The following CYFIP2 variants were observed in gnomAD, a reference collection of about 807,000 sequenced individuals.
CYFIP2 encodes cytoplasmic FMR1-interacting protein 2.
Under a neutral mutation model 158.7 loss-of-function variants are expected in CYFIP2, and 29 were observed. That is an observed-to-expected ratio of 0.18 (90% CI 0.14 to 0.25). The LOEUF is 0.25. Among genes scored for constraint, CYFIP2 ranks in the 10% least tolerant of loss-of-function variants. The probability of loss-of-function intolerance (pLI) is 1.00; values close to 1 mark genes in which losing one functional copy is unlikely to be tolerated. For missense variants in CYFIP2, 852 were observed against 1,639.5 expected, an observed-to-expected ratio of 0.52 and a Z score of 8.29; for synonymous variants, 585 against 617.6, an observed-to-expected ratio of 0.95 and a Z score of 0.78.
intron 26 of CYFIP2, among the ~76,000 whole-genome samples, chr5:157,377,675 G>T (rs1184812679): frequency 6.6e-6 from 1 of 152,192 alleles, no homozygotes; most frequent in Non-Finnish European, 1.5e-5. Context: ...GACAATCTCT[G>T]GCTCAGGCTC....
intron 1 of CYFIP2, among the ~76,000 whole-genome samples, chr5:157,282,811 G>A (rs1757091810): frequency 6.6e-6 from 1 of 152,128 alleles, no homozygotes; most frequent in African/African-American, 2.4e-5. Context: ...AGTGAGAAAT[G>A]GTGTATCTCC....
chr5:157,292,790 A>T (rs1164557678), intron 3 of CYFIP2, among the ~76,000 whole-genome samples: 1 of 151,148 alleles, frequency 6.6e-6, no homozygotes, highest in Non-Finnish European at 1.5e-5. Flanking sequence ...TCGAATGGTA[A>T]CTCTGTGGTT....
intron 1 of CYFIP2, among the ~76,000 whole-genome samples, chr5:157,280,552 GCCCAGAAGAAA>G (rs1756916127): frequency 6.6e-6 from 1 of 151,852 alleles, no homozygotes; most frequent in African/African-American, 2.4e-5. Context: ...AGTTTGAGTA[GCCCAGAAGAAA>G]CCTAGTTACA....
intron 18 of CYFIP2, among the ~76,000 whole-genome samples, chr5:157,326,920 C>T (rs1169437472): frequency 6.6e-6 from 1 of 152,154 alleles, no homozygotes; most frequent in Non-Finnish European, 1.5e-5. Context: ...CTTTTTGAAT[C>T]ATTAACCTTA....
At chr5:157,305,351 A>G (rs1759125280) in intron 8 of CYFIP2, among the ~76,000 whole-genome samples, 1 of 152,204 alleles carries the variant, frequency 6.6e-6, no homozygotes, top group African/African-American at 2.4e-5. Context: ...ATAAATCTTC[A>G]AGCTTTTGCT....
intron 27 of CYFIP2, 36 bp from the exon 28 acceptor site, chr5:157,383,229 T>C (rs374309724): frequency 2.8e-5 from 44 of 1,593,460 alleles, no homozygotes; most frequent in Admixed American, 1.3e-4. Context: ...CTGTGTTCCC[T>C]GAGTCTCATT....
rs914513143 is a variant in CYFIP2 at position 157,361,386 on chromosome 5, G to C, written c.2909-82G>C. 1.6e-4 allele frequency: 248 copies of C among 1,588,296 alleles called. No individual in the cohort carries two copies. The highest frequency in any genetic ancestry group is 2.0e-4 in the Non-Finnish European group (235 of 1,162,502). On this transcript the variant is annotated intron_variant, in intron 25 of 30. Coordinates refer to ENST00000620254, the MANE Select transcript of CYFIP2 (RefSeq NM_001037333.3). The surrounding 1 kb of genome is among the most constrained non-coding windows in gnomAD (Gnocchi z 4.4). ...TTTTGCTATCCCAGAGTCAGGTCTG[G>C]GGCTGCCACTCAGTCATTGTTTCCC...
At chr5:157,329,569 A>C (rs758706182) in intron 19 of CYFIP2, among the ~76,000 whole-genome samples, 2 of 152,246 alleles carry the variant, frequency 1.3e-5, no homozygotes, top group Non-Finnish European at 2.9e-5. Context: ...GTTATTTTAA[A>C]TTTTTTAGCA....
rs1320119714 is a variant in CYFIP2 at position 157,320,738 on chromosome 5, A to G, written c.1607A>G (p.Lys536Arg). 6.2e-7 allele frequency: 1 copy of G among 1,612,946 alleles called. No individual in the cohort carries two copies. Among genetic ancestry groups the G allele is most frequent in the Non-Finnish European group, 8.5e-7 (1 of 1,179,484 alleles). The change falls in exon 15 of 31, where the codon AAG becomes AGG. Residue 536 changes from lysine to arginine, a missense_variant. Physicochemically the swap from Lys to Arg is conservative, Grantham distance 26 (BLOSUM62 2). Transcript: ENST00000620254. The stretch of plus-strand genomic sequence containing the variant: ...AATGACCCATGCTTGAGAGGGGAGA[A>G]GGACCCCAAAGGTGGATTTGATATC... ...PPNDPCLRGE[K>R]DPKGGFDIKV...
Position 157,293,893 on chromosome 5 carries a change from G to A in CYFIP2, c.208-890G>A, listed in dbSNP as rs542997295. On this transcript the variant is annotated intron_variant, in intron 3 of 30. Transcript: ENST00000620254. ...AGGGAATGGGTGCTGATTGATTGGGGATCCAGTCATGGAGTGTGGAAAACA... is the reference window on the plus strand; with the variant it reads ...AGGGAATGGGTGCTGATTGATTGGGAATCCAGTCATGGAGTGTGGAAAACA... Among the ~76,000 whole-genome samples the A allele has an allele frequency of 4.8e-4, 73 of 152,266 alleles. 1 individual carries two copies. The highest frequency in any genetic ancestry group is 1.6e-3 in the African/African-American group (68 of 41,554).
chr5:157,303,577 G>A (rs370626849), intron 7 of CYFIP2, among the ~76,000 whole-genome samples: 141 of 152,232 alleles, frequency 9.3e-4, no homozygotes, highest in Non-Finnish European at 1.6e-3. Context: ...TCCATATCAC[G>A]GAGGCCCTTG....
rs527275861 is a variant in CYFIP2 at position 157,337,464 on chromosome 5, T to C, written c.2386-1593T>C. On this transcript the variant is annotated intron_variant, in intron 21 of 30. Coordinates refer to ENST00000620254, the MANE Select transcript of CYFIP2 (RefSeq NM_001037333.3). ...TGGACCCACTCCCCAAACTTTCTCT[T>C]CACCCCAGTTGATCTCACTTACCTG... Among the ~76,000 whole-genome samples, 5 of 152,354 alleles carry C rather than the reference T, an allele frequency of 3.3e-5. No homozygotes were observed. The East Asian group carries it at 9.6e-4, about 29-fold the overall frequency.
intron 13 of CYFIP2, among the ~76,000 whole-genome samples, chr5:157,317,139 A>G (rs1760213240): frequency 6.6e-6 from 1 of 152,324 alleles, no homozygotes; most frequent in East Asian, 1.9e-4. Flanking sequence ...CCCGCAACCC[A>G]CTTCTACCTT....
chr5:157,322,413 G>A (rs962761508), intron 15 of CYFIP2, among the ~76,000 whole-genome samples: 29 of 152,326 alleles, frequency 1.9e-4, no homozygotes, highest in Non-Finnish European at 2.8e-4. Context: ...GTAAAAGTAC[G>A]TGGGAAAAAA....
intron 13 of CYFIP2, among the ~76,000 whole-genome samples, chr5:157,315,326 G>A (rs1012963268): frequency 2.0e-5 from 3 of 151,358 alleles, no homozygotes; most frequent in Middle Eastern, 3.4e-3. Context: ...AAAAAAAAAC[G>A]GGCACAAAGA....
chr5:157,389,310 G>A lies in CYFIP2; in HGVS notation c.3329G>A (p.Gly1110Asp). 1.2e-6 allele frequency: 2 copies of A among 1,614,044 alleles called. No homozygotes were observed. The highest frequency in any genetic ancestry group is 1.7e-6 in the Non-Finnish European group (2 of 1,179,892). The change falls in exon 29 of 31, where the codon GGC becomes GAC. Residue 1110 changes from glycine to aspartate, a missense_variant. Transcript: ENST00000620254. ...TACCTGCAGGACCCCATCTGGCGGGGCCCACCGCCCACCAATGGCGTCATG... is the reference window on the plus strand; with the variant it reads ...TACCTGCAGGACCCCATCTGGCGGGACCCACCGCCCACCAATGGCGTCATG... ...RSYLQDPIWR[G>D]PPPTNGVMHV... is the part of the protein sequence containing the mutation.
rs373878677 is a variant in CYFIP2 at position 157,365,300 on chromosome 5, T to G, written c.3039+3702T>G. 11 of 152,370 alleles carry G rather than the reference T, an allele frequency of 7.2e-5. 1 individual carries two copies. Among genetic ancestry groups the G allele is most frequent in the Admixed American group, 6.5e-4 (10 of 15,310 alleles). 9.4% of individuals were successfully genotyped at this position (152,370 alleles called of 1,614,324 possible). A position where few individuals can be genotyped will look rare whatever the true frequency, so the allele number is the denominator to read the frequency against. ...AGTGCGAAGGAAAAAGTAAGAAATC[T>G]CTTGCCCATTTTACTTTTCCATTTT... On this transcript the variant is annotated intron_variant, in intron 26 of 30. Coordinates refer to ENST00000620254, the MANE Select transcript of CYFIP2 (RefSeq NM_001037333.3).
chr5:157,289,463 C>T (rs551357639), intron 3 of CYFIP2, among the ~76,000 whole-genome samples: 8 of 152,316 alleles, frequency 5.3e-5, no homozygotes, highest in South Asian at 2.1e-4. Flanking sequence ...CTCCCCGTTC[C>T]GGAGATTAGA....
Position 157,306,857 on chromosome 5 carries a change from G to A in CYFIP2, c.796-904G>A, listed in dbSNP as rs182498658. Among the ~76,000 whole-genome samples the A allele has an allele frequency of 5.3e-5, 8 of 151,742 alleles. No homozygotes were observed. The East Asian group carries it at 5.8e-4, about 11-fold the overall frequency. On this transcript the variant is annotated intron_variant, in intron 8 of 30. Transcript: ENST00000620254. The stretch of plus-strand genomic sequence containing the variant: ...TGATCATACCACTGCACTCCAGCCC[G>A]GGTGGGGTGGGGTAGGGAACAGAGT...
Sources: allele counts gnomAD v4.1 joint callset (sites outside exome capture counted in the v4.1 genomes callset), GRCh38; gene constraint gnomAD v4.1.1; non-coding constraint Gnocchi (gnomAD v3.1); transcripts MANE v1.5; gene names NCBI Gene and HGNC (gene_info 2026-07-23, HGNC 2026-07-21).